The following NPR1 variants were observed in gnomAD, a reference collection of about 807,000 sequenced individuals.
NPR1 encodes atrial natriuretic peptide receptor 1.
In NPR1, 57 loss-of-function variants were observed where a neutral mutation model predicts 116.9. That is an observed-to-expected ratio of 0.49 (90% CI 0.39 to 0.61). The LOEUF (loss-of-function observed/expected upper bound fraction) is 0.61. NPR1 is among the 20% of genes least tolerant of loss of function. The probability of loss-of-function intolerance (pLI) is 0.00; values close to 1 mark genes in which losing one functional copy is unlikely to be tolerated. For missense variants in NPR1, 1,096 were observed against 1,409.8 expected (o/e 0.78, Z 3.56); for synonymous variants, 555 against 601.6 (o/e 0.92, Z 1.13).
At position 153,681,737 on chromosome 1, in the gene NPR1, C is replaced by T. The variant is rs1189534524; in HGVS notation, c.1069C>T (p.Leu357Phe). ...CATCCCAGCATCCTTCCACGACGGG[C>T]TCCTGCTCTATATCCAGGCAGTGAC... is the stretch of plus-strand genomic sequence containing the variant. The part of the protein sequence containing the change: ...NTIPASFHDG[L>F]LLYIQAVTET... Residue 357 changes from leucine (L) to phenylalanine (F), a missense_variant, in exon 4 of 22, where the codon CTC (leucine) becomes TTC (phenylalanine). Physicochemically the swap from Leu to Phe is conservative, Grantham distance 22. Transcript: ENST00000368680. The T allele has an allele frequency of 6.2e-6, 10 of 1,614,076 alleles. No homozygotes were observed. The highest frequency in any genetic ancestry group is 8.5e-6 in the Non-Finnish European group (10 of 1,179,998).
Position 153,685,027 on chromosome 1 carries a change from G to A in NPR1, c.1548G>A (p.Glu516=). 1 of 1,614,120 alleles carries A rather than the reference G, an allele frequency of 6.2e-7. No individual in the cohort carries two copies. The change falls in exon 8 of 22, where the codon GAG becomes GAA. Residue 516 remains glutamate (E), a synonymous_variant. Transcript: ENST00000368680. ...GGCGGGTGCGCTGGGAGGACGTTGA[G>A]CCCAGTAGCCTTGAGAGGCACCTGC... The part of the protein sequence containing the change: ...ELWRVRWEDV[E]PSSLERHLRS...
chr1:153,689,628 A>G lies in NPR1; in HGVS notation c.2757+107A>G. 3.1e-6 allele frequency: 4 copies of G among 1,279,938 alleles called. No homozygotes were observed. The South Asian group carries it at 3.7e-5, about 12-fold the overall frequency. The allele number at this position is 1,279,938 out of a possible 1,614,324, so 79.3% of individuals were successfully genotyped here. A position where few individuals can be genotyped will look rare whatever the true frequency, so the allele number is the denominator to read the frequency against. On this transcript the variant is annotated intron_variant, in intron 18 of 21. Transcript: ENST00000368680. This position sits in a 1 kb window ranked among gnomAD's most constrained non-coding sequence, Gnocchi z 5.1. ...GGAGTCTTAAGAGAGGAGATCGGGG[A>G]CACGGGCAGAGACAGTGACACAGGG...
chr1:153,684,424 G>A (rs373133779), intron 7 of NPR1, among the ~76,000 whole-genome samples: 16 of 116,202 alleles, frequency 1.4e-4, no homozygotes, highest in Admixed American at 5.5e-4. Flanking sequence ...ACGGAGTCTC[G>A]CTCTGTTGCC....
rs1227343152 is a variant in NPR1, at chr1:153,689,155, A to C, written c.2565-33A>C. The C allele has an allele frequency of 6.2e-7, 1 of 1,613,656 alleles. No homozygotes were observed. The highest frequency in any genetic ancestry group is 2.2e-5 in the East Asian group (1 of 44,866). On this transcript the variant is annotated intron_variant, in intron 16 of 21. Transcript: ENST00000368680. This position sits in a 1 kb window ranked among gnomAD's most constrained non-coding sequence, Gnocchi z 5.1. The stretch of plus-strand genomic sequence containing the variant: ...ACACAAAGCCCCTGTCCCGACCCCC[A>C]ACTCTGATCCTGCACCTGCCCTGAC...
Position 153,683,881 on chromosome 1 carries a change from G to A in NPR1, c.1484+57G>A, listed in dbSNP as rs527733854. 6.0e-6 allele frequency: 9 copies of A among 1,498,568 alleles called. No individual in the cohort carries two copies. The East Asian group carries it at 2.0e-4, about 34-fold the overall frequency. 92.8% of individuals were successfully genotyped at this position (1,498,568 alleles called of 1,614,324 possible). The stretch of plus-strand genomic sequence containing the variant: ...TGGGGGACCCGGAGAACCAATAGCA[G>A]AGGAGGCGGTGGGGACCCAGAGGGA... On this transcript the variant is annotated intron_variant, in intron 7 of 21. Transcript: ENST00000368680.
Position 153,693,406 on chromosome 1 carries a change from C to A in NPR1, c.3178C>A (p.Arg1060=), listed in dbSNP as rs376878153. 1 of 1,609,668 alleles carries A rather than the reference C, an allele frequency of 6.2e-7. No homozygotes were observed. The highest frequency in any genetic ancestry group is 2.2e-5 in the East Asian group (1 of 44,688). ...CCTTGGGGAGAGGGGGAGTAGCACC[C>A]GAGGCTGACCTGCCTCCTCTCCTAT... The part of the protein sequence containing the change: ...WLLGERGSST[R]G The change falls in exon 22 of 22, where the codon CGA becomes AGA. Residue 1060 remains arginine, a synonymous_variant. Transcript: ENST00000368680.
rs1446655416 is a variant in NPR1 at position 153,687,675 on chromosome 1, C to G, written c.2134C>G (p.Pro712Ala). The G allele has an allele frequency of 3.7e-6, 6 of 1,603,348 alleles. No homozygotes were observed. The African/African-American group carries it at 6.7e-5, about 18-fold the overall frequency. ...CCCTGAGCTCCTGCGAATGGCTTCA[C>G]CCCCTGTGCGGGGCTCCCAGGCTGG... ...TAPELLRMAS[P>A]PVRGSQAGDV... Residue 712 changes from proline to alanine, a missense_variant, in exon 14 of 22, where the codon CCC becomes GCC. Transcript: ENST00000368680.
At chr1:153,688,733 A>G in intron 15 of NPR1, 2 of 590,534 alleles carry the variant, frequency 3.4e-6, no homozygotes, top group Non-Finnish European at 3.0e-6. Flanking sequence ...CAAAATGTCC[A>G]TATGTCTGAA....
chr1:153,688,045 C>T lies in NPR1; in HGVS notation c.2249-8C>T. On this transcript the variant is annotated splice_polypyrimidine_tract_variant and splice_region_variant and intron_variant, in intron 14 of 21. Transcript: ENST00000368680. The stretch of plus-strand genomic sequence containing the variant: ...CCACCCCTCAGCTCCTCTACCCCCC[C>T]AATACAGAGATCATCGAGCGGGTGA... The T allele has an allele frequency of 6.3e-7, 1 of 1,586,892 alleles. No individual in the cohort carries two copies. The highest frequency in any genetic ancestry group is 8.6e-7 in the Non-Finnish European group (1 of 1,162,438).
Position 153,682,551 on chromosome 1 carries a change from T to G in NPR1, c.1225T>G (p.Ser409Ala), listed in dbSNP as rs762912463. Residue 409 changes from serine to alanine, a missense_variant, in exon 5 of 22, where the codon TCC (serine) becomes GCC (alanine). Physicochemically the swap from Ser to Ala is moderately conservative, Grantham distance 99. Coordinates refer to ENST00000368680, the MANE Select transcript of NPR1 (RefSeq NM_000906.4). The stretch of plus-strand genomic sequence containing the variant: ...CAGTGGCGATCGGGAAACAGACTTC[T>G]CCCTCTGGGATATGGATCCCGAGAA... ...DSSGDRETDF[S>A]LWDMDPENGA... 5 of 1,613,966 alleles carry G rather than the reference T, an allele frequency of 3.1e-6. No homozygotes were observed. The African/African-American group carries it at 6.7e-5, about 22-fold the overall frequency.
chr1:153,690,018 C>G, intron 19 of NPR1, 38 bp downstream of exon 19: 1 of 1,455,526 alleles, frequency 6.9e-7, no homozygotes. Context: ...ATCCAGAGGC[C>G]AAGGCTTCGC....
At chr1:153,686,985 G>T (rs759048113) in intron 11 of NPR1, 31 bp from the exon 12 acceptor site, 1 of 1,611,140 alleles carries the variant, frequency 6.2e-7, no homozygotes, top group South Asian at 1.1e-5. Context: ...GGATCTGCAG[G>T]GGATTGGTCT....
intron 5 of NPR1, 76 bp downstream of exon 5, chr1:153,682,665 C>A: frequency 9.3e-7 from 1 of 1,080,876 alleles, no homozygotes; most frequent in South Asian, 1.3e-5. Flanking sequence ...CACAGCCCTG[C>A]CAGGGCACCT....
In NPR1 at chr1:153,681,721, A is replaced by G; in HGVS notation, c.1053A>G (p.Ala351=). 2.5e-6 allele frequency: 4 copies of G among 1,613,856 alleles called. No homozygotes were observed. The highest frequency in any genetic ancestry group is 3.4e-6 in the Non-Finnish European group (4 of 1,179,926). ...MEDGLVNTIP[A]SFHDGLLLYI... ...CCCTACAGGTGAACACCATCCCAGC[A>G]TCCTTCCACGACGGGCTCCTGCTCT... The change falls in exon 4 of 22, where the codon GCA becomes GCG. Residue 351 remains alanine, a synonymous_variant. Coordinates refer to ENST00000368680, the MANE Select transcript of NPR1 (RefSeq NM_000906.4).
In NPR1 at chr1:153,679,673, C is replaced by T; in HGVS notation, c.565C>T (p.Arg189Trp). Residue 189 changes from arginine to tryptophan, a missense_variant, in exon 1 of 22, where the codon CGG (arginine) becomes TGG (tryptophan). Transcript: ENST00000368680. This position sits in a 1 kb window ranked among gnomAD's most constrained non-coding sequence, Gnocchi z 4.2. ...CCAAGCGCTCATGCTCTACGCCTAC[C>T]GGCCGGGTGACGAAGAGCACTGCTT... ...ERQALMLYAY[R>W]PGDEEHCFFL... 3 of 1,608,678 alleles carry T rather than the reference C, an allele frequency of 1.9e-6. No individual in the cohort carries two copies. Among genetic ancestry groups the T allele is most frequent in the East Asian group, 2.2e-5 (1 of 44,760 alleles).
chr1:153,683,702 C>CAA (rs1456143066), intron 6 of NPR1, 38 bp from the exon 7 acceptor site: 1 of 1,605,476 alleles, frequency 6.2e-7, no homozygotes, highest in Non-Finnish European at 8.5e-7. Flanking sequence ...CTGTCTAACC[C>CAA]AAATCTCTCT....
chr1:153,689,402 C>G lies in NPR1; in HGVS notation c.2689-51C>G, dbSNP rs764287018. 5 of 1,610,056 alleles carry G rather than the reference C, an allele frequency of 3.1e-6. No individual in the cohort carries two copies. The highest frequency in any genetic ancestry group is 4.3e-6 in the Non-Finnish European group (5 of 1,176,382). ...CTGGTTCTGCTTTACCCACCTGACC[C>G]CAGGTGGGGTCCCCTACTTCCTGTC... On this transcript the variant is annotated intron_variant, in intron 17 of 21. Transcript: ENST00000368680. This position sits in a 1 kb window ranked among gnomAD's most constrained non-coding sequence, Gnocchi z 5.1.
chr1:153,681,674 A>G (rs746586346), intron 3 of NPR1, 30 bp from the exon 4 acceptor site: 1 of 1,607,746 alleles, frequency 6.2e-7, no homozygotes, highest in Non-Finnish European at 8.5e-7. Context: ...TCATATGCCC[A>G]CCCCAGCCGA....
Position 153,687,258 on chromosome 1 carries a change from A to G in NPR1, c.1994A>G (p.Asn665Ser), listed in dbSNP as rs761434877. Residue 665 changes from asparagine (N) to serine (S), a missense_variant, in exon 13 of 22, where the codon AAC becomes AGC. Physicochemically the swap from Asn to Ser is conservative, Grantham distance 46. Transcript: ENST00000368680. Reference protein sequence around the residue: ...ICSHGNLKSSNCVVDGRFVLK... With the variant: ...ICSHGNLKSSSCVVDGRFVLK... The stretch of plus-strand genomic sequence containing the variant: ...TCCCATGGGAACCTCAAGTCATCCA[A>G]CTGCGTGGTAGATGGGCGCTTTGTG... 4 of 1,614,078 alleles carry G rather than the reference A, an allele frequency of 2.5e-6. No homozygotes were observed. The highest frequency in any genetic ancestry group is 3.4e-6 in the Non-Finnish European group (4 of 1,179,988).
Sources: allele counts gnomAD v4.1 joint callset (sites outside exome capture counted in the v4.1 genomes callset), GRCh38; gene constraint gnomAD v4.1.1; non-coding constraint Gnocchi (gnomAD v3.1); transcripts MANE v1.5; gene names NCBI Gene and HGNC (gene_info 2026-07-23, HGNC 2026-07-21).